KANK2: variants seen among roughly 807,000 people sequenced by gnomAD.
KANK2 encodes the protein KN motif and ankyrin repeat domain-containing protein 2.
Under a neutral mutation model 74.6 loss-of-function variants are expected in KANK2, and 41 were observed. The observed-to-expected ratio is 0.55, with a 90% CI of 0.43 to 0.71. KANK2 has a LOEUF of 0.71. Ranked by LOEUF, KANK2 falls within the 30% of genes least tolerant of loss-of-function variation. The pLI is 0.00. For synonymous variants in KANK2, 537 were observed against 519.0 expected (o/e 1.03, Z -0.47); for missense variants, 1,148 against 1,196.4 (o/e 0.96, Z 0.60).
At position 11,166,579 on chromosome 19, in the gene KANK2, T is replaced by G; in HGVS notation, c.2535A>C (p.Thr845=). Residue 845 remains threonine (T), a synonymous_variant, in exon 13 of 13, where the codon ACA becomes ACC. Coordinates refer to ENST00000586659, the MANE Select transcript of KANK2 (RefSeq NM_001136191.3). ...ACGGCTACTCTTCTGCCGAGGATGA[T>G]GTAGGGCTCTCGTCATCTGACATTG... ...FAPMSDDESP[T]SSSAEE 6.2e-7 allele frequency: 1 copy of G among 1,614,168 alleles called. No individual in the cohort carries two copies. The highest frequency in any genetic ancestry group is 8.5e-7 in the Non-Finnish European group (1 of 1,180,000).
rs150349589 is a variant in KANK2, at chr19:11,175,923, G to A, written c.1827C>T (p.Asn609=). 18 of 1,613,678 alleles carry A rather than the reference G, an allele frequency of 1.1e-5. No individual in the cohort carries two copies. In the East Asian group the frequency reaches 2.2e-4, roughly 20 times the overall value. ...LALEKYLDNP[N]ALTERELKVA... ...GTACCAGCTCCCGCTCTGTGAGGGC[G>A]TTGGGATTGTCCAGGTACTTTTCCA... The change falls in exon 8 of 13, where the codon AAC becomes AAT. Residue 609 remains asparagine, a synonymous_variant. Coordinates refer to ENST00000586659, the MANE Select transcript of KANK2 (RefSeq NM_001136191.3).
chr19:11,179,680 C>T (rs558774842), intron 4 of KANK2, among the ~76,000 whole-genome samples: 1 of 151,536 alleles, frequency 6.6e-6, no homozygotes. Context: ...ACTAAAAAAA[C>T]GAAACGAAAC....
intron 12 of KANK2, among the ~76,000 whole-genome samples, chr19:11,167,028 G>T (rs1167988091): frequency 1.3e-5 from 2 of 152,164 alleles, no homozygotes; most frequent in Non-Finnish European, 2.9e-5. Flanking sequence ...GAGGGTGGTT[G>T]TGCAGGGCCT....
At chr19:11,179,497 C>CGTG (rs2078449484) in intron 4 of KANK2, among the ~76,000 whole-genome samples, 1 of 142,930 alleles carries the variant, frequency 7.0e-6, no homozygotes, top group African/African-American at 2.6e-5. Flanking sequence ...ATTAGCTGGG[C>CGTG]GTGGTGGGGG....
At chr19:11,173,307 CA>C (rs775817924) in intron 9 of KANK2, among the ~76,000 whole-genome samples, 184 bp from the exon 10 acceptor site, 1 of 152,198 alleles carries the variant, frequency 6.6e-6, no homozygotes, top group Non-Finnish European at 1.5e-5. Flanking sequence ...AAGTTGGAGA[CA>C]GTTCCTCCTC....
At chr19:11,181,979 G>A (rs1418246972) in intron 4 of KANK2, among the ~76,000 whole-genome samples, 1 of 140,174 alleles carries the variant, frequency 7.1e-6, no homozygotes, top group Non-Finnish European at 1.5e-5. Context: ...GTGCAGTGAT[G>A]CGATCTTGGC....
Position 11,174,656 on chromosome 19 carries a change from G to A in KANK2, c.1885C>T (p.Arg629Cys), listed in dbSNP as rs748282921. 12 of 1,608,622 alleles carry A rather than the reference G, an allele frequency of 7.5e-6. No homozygotes were observed. The highest frequency in any genetic ancestry group is 6.7e-5 in the East Asian group (3 of 44,692). ...TGTGCGTCGCTGCGGCAGGCCAGGC[G>A]CAGCCACTCCTGCAGCACTGTGGTG... ...AYTTVLQEWLRLACRSDAHPE... is the reference protein window; with the variant it reads ...AYTTVLQEWLCLACRSDAHPE... Residue 629 changes from arginine (R) to cysteine (C), a missense_variant, in exon 9 of 13, where the codon CGC (arginine) becomes TGC (cysteine). Transcript: ENST00000586659.
chr19:11,193,485 G>A lies in KANK2; in HGVS notation c.595C>T (p.Leu199=), dbSNP rs770266003. ...REQMAGALRK[L]RQLEEQVKLI... is the part of the protein sequence containing the mutation. ...TTCACCTGCTCCTCCAGCTGCCGCA[G>A]CTTCCGCAGGGCACCCGCCATCTGC... The change falls in exon 4 of 13, where the codon CTG becomes TTG. Residue 199 remains leucine (L), a synonymous_variant. Transcript: ENST00000586659. The surrounding 1 kb of genome is among the most constrained non-coding windows in gnomAD (Gnocchi z 9.6). The A allele has an allele frequency of 1.9e-5, 30 of 1,610,898 alleles. No individual in the cohort carries two copies. The Middle Eastern group carries it at 8.2e-4, about 44-fold the overall frequency.
At chr19:11,178,741 T>C in intron 4 of KANK2, 21 bp from the exon 5 acceptor site, 1 of 1,501,942 alleles carries the variant, frequency 6.7e-7, no homozygotes, top group Non-Finnish European at 8.9e-7. Flanking sequence ...AGGAAATGAG[T>C]GTCTGCTCTT....
At chr19:11,180,717 A>C (rs1408743809) in intron 4 of KANK2, among the ~76,000 whole-genome samples, 1 of 152,136 alleles carries the variant, frequency 6.6e-6, no homozygotes, top group Non-Finnish European at 1.5e-5. Context: ...CACGTGAAAC[A>C]AACAAACATA....
intron 4 of KANK2, among the ~76,000 whole-genome samples, chr19:11,182,840 C>CAAAAA (rs36229477): frequency 3.2e-5 from 2 of 62,968 alleles, no homozygotes; most frequent in Non-Finnish European, 6.5e-5. Flanking sequence ...CAGACTGCCT[C>CAAAAA]AAAAAAAAAA....
In KANK2 at chr19:11,178,646, T is replaced by C; in HGVS notation, c.1324A>G (p.Lys442Glu). Residue 442 changes from lysine to glutamate, a missense_variant, in exon 5 of 13, where the codon AAG (lysine) becomes GAG (glutamate). Transcript: ENST00000586659. ...TGGGTGGGCACTCGGCCTGTGCTCT[T>C]CTCAGGCTGTGTAAGGGAGGCTACC... ...SEVASLTQPE[K>E]STGRVPTQEP... 1 of 1,578,998 alleles carries C rather than the reference T, an allele frequency of 6.3e-7. No homozygotes were observed. The highest frequency in any genetic ancestry group is 8.6e-7 in the Non-Finnish European group (1 of 1,168,336).
At chr19:11,185,179 G>A (rs1338937899) in intron 4 of KANK2, among the ~76,000 whole-genome samples, 4 of 147,982 alleles carry the variant, frequency 2.7e-5, no homozygotes, top group Middle Eastern at 3.4e-3. Context: ...CAGCACTTTG[G>A]GGGGCCGAGG....
rs140342163 is a variant in KANK2, at chr19:11,193,429, C to G, written c.651G>C (p.Ser217=). Residue 217 remains serine, a synonymous_variant, in exon 4 of 13, where the codon TCG becomes TCC. Transcript: ENST00000586659. The surrounding 1 kb of genome is among the most constrained non-coding windows in gnomAD (Gnocchi z 9.6). ...KLIPVLQVKL[S]VLQEEKRQLT... ...GCTGCCGCTTTTCCTCCTGGAGCAC[C>G]GAGAGCTTCACCTGGAGCACAGGGA... The G allele has an allele frequency of 1.2e-5, 19 of 1,612,382 alleles. No homozygotes were observed. In the African/African-American group the frequency reaches 2.0e-4, roughly 17 times the overall value.
chr19:11,187,342 A>G (rs1181354095), intron 4 of KANK2, among the ~76,000 whole-genome samples: 2 of 151,710 alleles, frequency 1.3e-5, no homozygotes, highest in African/African-American at 2.4e-5. Context: ...AAAATAGTGT[A>G]AGGAGAGGAA....
chr19:11,176,182 G>A (rs1405104072), intron 7 of KANK2, among the ~76,000 whole-genome samples, 193 bp from the exon 8 acceptor site: 18 of 152,206 alleles, frequency 1.2e-4, no homozygotes, highest in Admixed American at 1.0e-3. Flanking sequence ...ACCCCCAAGG[G>A]AGAGTGGACA....
At chr19:11,171,935 A>C (rs1002989333) in intron 10 of KANK2, among the ~76,000 whole-genome samples, 6 of 149,168 alleles carry the variant, frequency 4.0e-5, no homozygotes, top group Non-Finnish European at 7.4e-5. Flanking sequence ...TGGCCTCCCA[A>C]AGTGCTGGGA....
rs754529 is a variant in KANK2, at chr19:11,194,485, A to G, written c.27T>C (p.Ala9=). Residue 9 remains alanine (A), a synonymous_variant, in exon 3 of 13, where the codon GCT becomes GCC. Coordinates refer to ENST00000586659, the MANE Select transcript of KANK2 (RefSeq NM_001136191.3). MAQVLHVP[A]PFPGTPGPAS... Reference sequence around the variant, plus strand: ...CCTGAGTCCCCTGACCTGGGAAGGGAGCAGGCACGTGCAGGACCTGGGCCA... The same window carrying G: ...CCTGAGTCCCCTGACCTGGGAAGGGGGCAGGCACGTGCAGGACCTGGGCCA... The G allele has an allele frequency of 0.08, 129,557 of 1,611,088 alleles. 5,779 individuals are homozygous for G. Among genetic ancestry groups the G allele is most frequent in the Admixed American group, 0.11 (6,480 of 59,964 alleles).
Position 11,176,894 on chromosome 19 carries a change from G to A in KANK2, c.1521-77C>T. 3 of 1,464,228 alleles carry A rather than the reference G, an allele frequency of 2.0e-6. No homozygotes were observed. In the South Asian group the frequency reaches 4.3e-5, roughly 21 times the overall value. 90.7% of individuals were successfully genotyped at this position (1,464,228 alleles called of 1,614,324 possible). A position where few individuals can be genotyped will look rare whatever the true frequency, so the allele number is the denominator to read the frequency against. On this transcript the variant is annotated intron_variant, in intron 6 of 12. Coordinates refer to ENST00000586659, the MANE Select transcript of KANK2 (RefSeq NM_001136191.3). ...GGTGGGAAAGGAAGGCAGGGATCTG[G>A]TGATCTGACCTCTGTGGGCCTCAGC...
Sources: gnomAD v4.1 joint callset for allele counts (sites outside exome capture counted in the v4.1 genomes callset) on GRCh38, gnomAD v4.1.1 for gene constraint, Gnocchi (gnomAD v3.1) non-coding constraint, MANE v1.5 for transcripts, NCBI Gene and HGNC (gene_info 2026-07-23, HGNC 2026-07-21) for gene names.